RTP4: variants seen among roughly 807,000 people sequenced by gnomAD.
RTP4 encodes the protein receptor-transporting protein 4.
In RTP4, 5 loss-of-function variants were observed where a neutral mutation model predicts 6.5. The ratio of observed to expected loss-of-function variants is 0.77; its 90% CI spans 0.40 to 1.62. The LOEUF (loss-of-function observed/expected upper bound fraction) is 1.62. Among genes scored for constraint, RTP4 ranks in the 40% most tolerant of loss-of-function variants. The probability of loss-of-function intolerance (pLI) is 0.02; values close to 1 mark genes in which losing one functional copy is unlikely to be tolerated. For synonymous variants in RTP4, 112 were observed against 114.8 expected (o/e 0.98, Z 0.15); for missense variants, 266 against 288.7 (o/e 0.92, Z 0.57).
Position 187,368,464 on chromosome 3 carries a change from G to C in RTP4, c.23G>C (p.Trp8Ser). The C allele has an allele frequency of 6.2e-7, 1 of 1,613,158 alleles. No homozygotes were observed. ...AAAATGGTTGTAGATTTCTGGACTT[G>C]GGAGCAGACATTTCAAGAACTAATC... MVVDFWTWEQTFQELIQE... is the reference protein window; with the variant it reads MVVDFWTSEQTFQELIQE... The change falls in exon 1 of 2, where the codon TGG becomes TCG. Residue 8 changes from tryptophan (W) to serine (S), a missense_variant. By Grantham distance (177) the Trp-to-Ser change is radical (BLOSUM62 -3). Transcript: ENST00000259030.
At chr3:187,370,033 T>C (rs1711578851) in intron 1 of RTP4, among the ~76,000 whole-genome samples, 1 of 152,260 alleles carries the variant, frequency 6.6e-6, no homozygotes. Flanking sequence ...AAAAGCATTT[T>C]GTAGTTTACA....
intron 1 of RTP4, 62 bp downstream of exon 1, chr3:187,368,658 A>G: frequency 6.8e-7 from 1 of 1,472,726 alleles, no homozygotes; most frequent in Non-Finnish European, 9.1e-7. Context: ...TCAGCTTAGC[A>G]TGATTTATTC....
chr3:187,371,596 TTCATTCAC>T lies in RTP4; in HGVS notation c.*225_*232del, dbSNP rs1711617650. ...CGAATTGCTAAAAAGTCTTCAATCA[TTCATTCAC>T]TAAGTCACTCAGTGATATCAATATA... On this transcript the variant is annotated 3_prime_UTR_variant, in exon 2 of 2. Coordinates refer to ENST00000259030, the MANE Select transcript of RTP4 (RefSeq NM_022147.3). 1 of 526,970 alleles carries T rather than the reference TTCATTCAC, an allele frequency of 1.9e-6. No homozygotes were observed. The highest frequency in any genetic ancestry group is 3.2e-5 in the East Asian group (1 of 31,664). 32.6% of individuals were successfully genotyped at this position (526,970 alleles called of 1,614,324 possible).
chr3:187,368,536 A>G lies in RTP4; in HGVS notation c.95A>G (p.Asn32Ser). 6.2e-7 allele frequency: 1 copy of G among 1,614,170 alleles called. No individual in the cohort carries two copies. ...ACATGGACGCTGAAGTTGGATGGCAACCTTCAGCTAGACTGCCTGGCTCAA... is the reference window on the plus strand; with the variant it reads ...ACATGGACGCTGAAGTTGGATGGCAGCCTTCAGCTAGACTGCCTGGCTCAA... Reference protein sequence around the residue: ...RATWTLKLDGNLQLDCLAQGW... With the variant: ...RATWTLKLDGSLQLDCLAQGW... Residue 32 changes from asparagine (N) to serine (S), a missense_variant, in exon 1 of 2, where the codon AAC becomes AGC. Asn to Ser is a conservative substitution (Grantham distance 46). Transcript: ENST00000259030.
In RTP4 at chr3:187,368,494, A is replaced by G; in HGVS notation, c.53A>G (p.Glu18Gly). ...CAGACATTTCAAGAACTAATCCAAG[A>G]GGCAAAACCCCGGGCCACATGGACG... Reference protein sequence around the residue: ...WEQTFQELIQEAKPRATWTLK... With the variant: ...WEQTFQELIQGAKPRATWTLK... The change falls in exon 1 of 2, where the codon GAG (glutamate) becomes GGG (glycine). Residue 18 changes from glutamate (E) to glycine (G), a missense_variant. Glu to Gly is a moderately conservative substitution (Grantham distance 98, BLOSUM62 -2). Coordinates refer to ENST00000259030, the MANE Select transcript of RTP4 (RefSeq NM_022147.3). 1 of 1,614,044 alleles carries G rather than the reference A, an allele frequency of 6.2e-7. No homozygotes were observed. The highest frequency in any genetic ancestry group is 8.5e-7 in the Non-Finnish European group (1 of 1,179,956).
At position 187,371,286 on chromosome 3, in the gene RTP4, G is replaced by A; in HGVS notation, c.654G>A (p.Gly218=). The change falls in exon 2 of 2, where the codon GGG becomes GGA. Residue 218 remains glycine, a synonymous_variant. Coordinates refer to ENST00000259030, the MANE Select transcript of RTP4 (RefSeq NM_022147.3). ...AGGGGAGTGGGTATGAGAAATTAGG[G>A]CCCAGTCGAGACCCAGATCCACTGA... ...EAKGSGYEKL[G]PSRDPDPLNI... The A allele has an allele frequency of 6.2e-7, 1 of 1,607,746 alleles. No homozygotes were observed. The highest frequency in any genetic ancestry group is 8.5e-7 in the Non-Finnish European group (1 of 1,179,970).
chr3:187,369,656 AAT>A (rs1310238926), intron 1 of RTP4, among the ~76,000 whole-genome samples: 2 of 150,424 alleles, frequency 1.3e-5, no homozygotes, highest in African/African-American at 4.9e-5. Flanking sequence ...ATTTCAGAAT[AAT>A]AAATTTATAA....
At chr3:187,369,799 T>C (rs1711574685) in intron 1 of RTP4, among the ~76,000 whole-genome samples, 1 of 152,188 alleles carries the variant, frequency 6.6e-6, no homozygotes, top group Non-Finnish European at 1.5e-5. Flanking sequence ...AGAGCCCGTA[T>C]AGCAGTCATG....
At chr3:187,368,806 G>T (rs1449481515) in intron 1 of RTP4, among the ~76,000 whole-genome samples, 1 of 152,026 alleles carries the variant, frequency 6.6e-6, no homozygotes, top group Admixed American at 6.5e-5. Context: ...TCTTTTACTA[G>T]GTTTCCCTCC....
At position 187,371,044 on chromosome 3, in the gene RTP4, C is replaced by G. The variant is rs746739412; in HGVS notation, c.412C>G (p.Pro138Ala). ...GNGTRKSPEM[P>A]VILEVSLEGS... ...TGGCACGAGGAAGTCTCCAGAAATG[C>G]CAGTAATCCTGGAAGTGTCCCTGGA... Residue 138 changes from proline (P) to alanine (A), a missense_variant, in exon 2 of 2, where the codon CCA becomes GCA. Physicochemically the swap from Pro to Ala is conservative, Grantham distance 27. Coordinates refer to ENST00000259030, the MANE Select transcript of RTP4 (RefSeq NM_022147.3). The G allele has an allele frequency of 5.0e-5, 80 of 1,614,056 alleles. No individual in the cohort carries two copies. Among genetic ancestry groups the G allele is most frequent in the Non-Finnish European group, 5.9e-5 (70 of 1,180,046 alleles).
At position 187,371,326 on chromosome 3, in the gene RTP4, AT is replaced by A. The variant is rs747570048; in HGVS notation, c.698del (p.Leu233CysfsTer7). The A allele has an allele frequency of 2.5e-6, 4 of 1,601,622 alleles. No homozygotes were observed. The highest frequency in any genetic ancestry group is 1.7e-5 in the Admixed American group (1 of 59,980). The part of the protein sequence containing the change: ...DPDPLNICVF[I>X]LLLVFIVVKC... The stretch of plus-strand genomic sequence containing the variant: ...AGATCCACTGAACATCTGTGTCTTT[AT>A]TTTGCTGCTTGTATTTATTGTAGTC... On this transcript the variant is annotated frameshift_variant, in exon 2 of 2. Coordinates refer to ENST00000259030, the MANE Select transcript of RTP4 (RefSeq NM_022147.3). LOFTEE classifies it low-confidence loss of function (END_TRUNC).
Position 187,368,589 on chromosome 3 carries a change from T to C in RTP4, c.148T>C (p.Phe50Leu), listed in dbSNP as rs1304334432. The change falls in exon 1 of 2, where the codon TTT (phenylalanine) becomes CTT (leucine). Residue 50 changes from phenylalanine (F) to leucine (L), a missense_variant. Phe to Leu is a conservative substitution (Grantham distance 22). Transcript: ENST00000259030. ...GTGGAAGCAATACCAACAGAGAGCATTTGGCTGGTGAGTGTGGGTTTCCCA... is the reference window on the plus strand; with the variant it reads ...GTGGAAGCAATACCAACAGAGAGCACTTGGCTGGTGAGTGTGGGTTTCCCA... ...QGWKQYQQRA[F>L]GWFRCSSCQR... The C allele has an allele frequency of 6.2e-6, 10 of 1,610,478 alleles. No individual in the cohort carries two copies. The highest frequency in any genetic ancestry group is 8.5e-6 in the Non-Finnish European group (10 of 1,178,564).
intron 1 of RTP4, 129 bp downstream of exon 1, chr3:187,368,725 A>AT (rs1560063369): frequency 2.5e-6 from 2 of 809,540 alleles, no homozygotes; most frequent in African/African-American, 3.5e-5. Context: ...TATTGTGGTC[A>AT]TAGTACTCTT....
intron 1 of RTP4, among the ~76,000 whole-genome samples, chr3:187,369,067 A>G (rs751905982): frequency 4.6e-5 from 7 of 151,436 alleles, no homozygotes; most frequent in Non-Finnish European, 7.4e-5. Flanking sequence ...TACTCTGAAC[A>G]TTGCTTTACT....
chr3:187,371,536 A>C lies in RTP4; in HGVS notation c.*163A>C. 2 of 599,752 alleles carry C rather than the reference A, an allele frequency of 3.3e-6. No homozygotes were observed. The highest frequency in any genetic ancestry group is 5.9e-6 in the Non-Finnish European group (2 of 341,178). 37.2% of individuals were successfully genotyped at this position (599,752 alleles called of 1,614,324 possible). ...TCCTCTGAAAACAGTATGAAACATG[A>C]CCAAGTACATAATGGATTTAGTAAT... is the stretch of plus-strand genomic sequence containing the variant. On this transcript the variant is annotated 3_prime_UTR_variant, in exon 2 of 2. Coordinates refer to ENST00000259030, the MANE Select transcript of RTP4 (RefSeq NM_022147.3).
At chr3:187,369,159 C>A (rs536022056) in intron 1 of RTP4, among the ~76,000 whole-genome samples, 1 of 152,268 alleles carries the variant, frequency 6.6e-6, no homozygotes, top group South Asian at 2.1e-4. Context: ...AAGTAATACT[C>A]CTCCCTTACT....
chr3:187,370,684 A>G, intron 1 of RTP4, 104 bp from the exon 2 acceptor site: 1 of 742,032 alleles, frequency 1.3e-6, no homozygotes, highest in Non-Finnish European at 2.2e-6. Flanking sequence ...AATCACATGC[A>G]TTTTTTCAAA....
chr3:187,369,303 T>C (rs985006441), intron 1 of RTP4, among the ~76,000 whole-genome samples: 1 of 152,186 alleles, frequency 6.6e-6, no homozygotes, highest in African/African-American at 2.4e-5. Context: ...ACCTTCGGTA[T>C]AGTTTTCATC....
chr3:187,369,678 GTAT>G (rs933093063), intron 1 of RTP4, among the ~76,000 whole-genome samples: 23 of 150,932 alleles, frequency 1.5e-4, no homozygotes, highest in African/African-American at 4.4e-4. Flanking sequence ...AATAATATAT[GTAT>G]TATTATATAT....
Sources: allele counts gnomAD v4.1 joint callset (sites outside exome capture counted in the v4.1 genomes callset), GRCh38; gene constraint gnomAD v4.1.1; transcripts MANE v1.5; gene names NCBI Gene and HGNC (gene_info 2026-07-23, HGNC 2026-07-21).